Variants in TPST1 observed in about 807,000 individuals in gnomAD.
The protein encoded by TPST1 is protein-tyrosine sulfotransferase 1.
Under a neutral mutation model 34.8 loss-of-function variants are expected in TPST1, and 20 were observed. The ratio of observed to expected loss-of-function variants is 0.57; its 90% CI spans 0.40 to 0.84. The LOEUF (loss-of-function observed/expected upper bound fraction) is 0.84. Ranked by LOEUF, TPST1 falls within the 40% of genes least tolerant of loss-of-function variation. The probability of loss-of-function intolerance (pLI) is 0.00; values close to 1 mark genes in which losing one functional copy is unlikely to be tolerated. For missense variants in TPST1, 353 were observed against 455.5 expected (o/e 0.78, Z 2.05); for synonymous variants, 152 against 159.4 (o/e 0.95, Z 0.35).
chr7:66,255,415 T>C (rs371608439), intron 2 of TPST1, among the ~76,000 whole-genome samples: 2 of 152,310 alleles, frequency 1.3e-5, no homozygotes, highest in East Asian at 3.9e-4. Flanking sequence ...CAATATTTTA[T>C]TATTATGCAG....
intron 1 of TPST1, among the ~76,000 whole-genome samples, chr7:66,209,482 A>G (rs1250231480): frequency 2.0e-5 from 3 of 152,324 alleles, no homozygotes; most frequent in African/African-American, 7.2e-5. Context: ...GCTTGTTCCC[A>G]TCTCAGGCTT....
intron 2 of TPST1, among the ~76,000 whole-genome samples, chr7:66,277,174 A>C (rs2115855910): frequency 6.6e-6 from 1 of 152,296 alleles, no homozygotes; most frequent in Middle Eastern, 3.4e-3. Flanking sequence ...TGTCCTGGAA[A>C]GGAGCTTTGG....
intron 3 of TPST1, among the ~76,000 whole-genome samples, chr7:66,336,289 G>C (rs1456611269): frequency 6.7e-6 from 1 of 148,830 alleles, no homozygotes; most frequent in Non-Finnish European, 1.5e-5. Flanking sequence ...CAGCCTGGGA[G>C]ACAGAGCAAG....
At chr7:66,327,664 A>C (rs986380587) in intron 3 of TPST1, among the ~76,000 whole-genome samples, 1 of 151,734 alleles carries the variant, frequency 6.6e-6, no homozygotes, top group Non-Finnish European at 1.5e-5. Context: ...TCAAAGCTGC[A>C]GTGAGCCGTG....
intron 2 of TPST1, among the ~76,000 whole-genome samples, chr7:66,242,098 C>G (rs1474619777): frequency 6.6e-6 from 1 of 152,164 alleles, no homozygotes; most frequent in Non-Finnish European, 1.5e-5. Context: ...AGTATACCCT[C>G]TAACCTGTCT....
chr7:66,271,421 C>T (rs1321201498), intron 2 of TPST1, among the ~76,000 whole-genome samples: 2 of 152,202 alleles, frequency 1.3e-5, no homozygotes, highest in Admixed American at 1.3e-4. Context: ...TCGTGATCTG[C>T]CCGCCTCAGC....
chr7:66,360,134 G>T lies in TPST1; in HGVS notation c.*269G>T. ...AGTAAGGAGCCCAGAAGGAACATGT[G>T]TTTCCTGTTAAAACTCCTCTTGTTC... On this transcript the variant is annotated 3_prime_UTR_variant, in exon 6 of 6. Transcript: ENST00000304842. The T allele has an allele frequency of 3.0e-6, 1 of 331,864 alleles. No individual in the cohort carries two copies. The highest frequency in any genetic ancestry group is 6.0e-6 in the Non-Finnish European group (1 of 166,152). 20.6% of individuals were successfully genotyped at this position (331,864 alleles called of 1,614,324 possible). A position where few individuals can be genotyped will look rare whatever the true frequency, so the allele number is the denominator to read the frequency against.
intron 2 of TPST1, among the ~76,000 whole-genome samples, chr7:66,265,447 G>C (rs1003317290): frequency 1.3e-5 from 2 of 152,028 alleles, no homozygotes; most frequent in Non-Finnish European, 2.9e-5. Flanking sequence ...CTACTCAGGA[G>C]GCTGAGGTTG....
chr7:66,308,929 G>A (rs2116103016), intron 3 of TPST1, among the ~76,000 whole-genome samples: 1 of 152,202 alleles, frequency 6.6e-6, no homozygotes, highest in Middle Eastern at 3.4e-3. Context: ...ACTGAGTTTT[G>A]CTCCTGTTGC....
intron 1 of TPST1, among the ~76,000 whole-genome samples, chr7:66,213,656 G>C (rs1041149641): frequency 6.6e-6 from 1 of 151,764 alleles, no homozygotes; most frequent in Non-Finnish European, 1.5e-5. Flanking sequence ...TTGGGAGGCT[G>C]AGGCGCGAAC....
chr7:66,279,265 A>AT (rs550331699), intron 2 of TPST1, among the ~76,000 whole-genome samples: 2 of 152,208 alleles, frequency 1.3e-5, no homozygotes, highest in Admixed American at 1.3e-4. Flanking sequence ...ACACTATTTC[A>AT]TTTTTTTATA....
chr7:66,336,959 G>A (rs1198903677), intron 3 of TPST1, among the ~76,000 whole-genome samples: 1 of 152,104 alleles, frequency 6.6e-6, no homozygotes, highest in Admixed American at 6.5e-5. Flanking sequence ...TATTTAGAGT[G>A]CTGAAGGAAA....
chr7:66,303,871 T>C (rs1288394978), intron 3 of TPST1, among the ~76,000 whole-genome samples: 1 of 152,156 alleles, frequency 6.6e-6, no homozygotes, highest in Non-Finnish European at 1.5e-5. Flanking sequence ...AGAAAAAGAA[T>C]ATGCCAGGAA....
intron 3 of TPST1, among the ~76,000 whole-genome samples, chr7:66,294,363 A>G (rs569335643): frequency 1.4e-4 from 22 of 152,034 alleles, no homozygotes; most frequent in African/African-American, 5.3e-4. Flanking sequence ...CCTCCCTACA[A>G]CCATATAACC....
At chr7:66,340,453 C>T (rs1372318626) in intron 3 of TPST1, among the ~76,000 whole-genome samples, 2 of 152,146 alleles carry the variant, frequency 1.3e-5, no homozygotes, top group African/African-American at 2.4e-5. Context: ...ACCACATTAT[C>T]TTTATTTGCA....
intron 1 of TPST1, among the ~76,000 whole-genome samples, chr7:66,217,888 T>TC (rs1472978605): frequency 1.3e-5 from 2 of 151,160 alleles, no homozygotes; most frequent in Non-Finnish European, 3.0e-5. Context: ...CTGGCCTTTT[T>TC]CTTTTTTTTG....
chr7:66,329,417 A>T (rs1208676746), intron 3 of TPST1, among the ~76,000 whole-genome samples: 1 of 151,112 alleles, frequency 6.6e-6, no homozygotes, highest in African/African-American at 2.5e-5. Flanking sequence ...GTGCATATGT[A>T]TACTCACATG....
intron 1 of TPST1, among the ~76,000 whole-genome samples, chr7:66,227,030 T>TTTTTTTTTG: frequency 8.7e-6 from 1 of 114,948 alleles, no homozygotes; most frequent in Non-Finnish European, 1.8e-5. Context: ...AAAATAAGCT[T>TTTTTTTTTG]TTTTTTTTTT....
intron 2 of TPST1, among the ~76,000 whole-genome samples, chr7:66,260,835 C>A (rs773461444): frequency 5.1e-4 from 77 of 152,294 alleles, no homozygotes; most frequent in Non-Finnish European, 9.6e-4. Context: ...CAAGACCTGG[C>A]TGAGTACTCT....
Sources: gnomAD v4.1 joint callset for allele counts (sites outside exome capture counted in the v4.1 genomes callset) on GRCh38, gnomAD v4.1.1 for gene constraint, MANE v1.5 for transcripts, NCBI Gene and HGNC (gene_info 2026-07-23, HGNC 2026-07-21) for gene names.